Variants in MAGEB3 observed in about 807,000 individuals in gnomAD.
MAGEB3 encodes MAGE family member B3.
For synonymous variants in MAGEB3, 91 were observed against 93.0 expected (o/e 0.98, Z 0.12); for missense variants, 191 against 262.4 (o/e 0.73, Z 1.88).
rs1925003855 is a variant in MAGEB3, at chrX:30,237,073, T to A, written c.*108T>A. 5.7e-6 allele frequency: 3 copies of A among 528,605 alleles called. No homozygotes were observed. Among genetic ancestry groups the A allele is most frequent in the Non-Finnish European group, 8.9e-6 (3 of 336,334 alleles). The allele number at this position is 528,605 out of a possible 1,213,427, so 43.6% of individuals were successfully genotyped here. On this transcript the variant is annotated 3_prime_UTR_variant, in exon 5 of 5. Transcript: ENST00000361644. ...GGAACACACTGTATAATACCTTTTG[T>A]TTCTGTTCTAAATGGATAATTTGAA...
chrX:30,231,997 C>T (rs1188540532), intron 2 of MAGEB3, among the ~76,000 whole-genome samples: 1 of 112,108 alleles, frequency 8.9e-6, no homozygotes, highest in Non-Finnish European at 1.9e-5. Context: ...GCGTGTCACC[C>T]GCTGCTGTCA....
intron 3 of MAGEB3, 57 bp from the exon 4 acceptor site, chrX:30,233,205 A>T (rs1240187629): frequency 9.5e-6 from 1 of 105,050 alleles, no homozygotes. Flanking sequence ...ACTCCATCTC[A>T]AAATAAATAA....
intron 1 of MAGEB3, among the ~76,000 whole-genome samples, chrX:30,231,107 C>A (rs1333567518): frequency 9.5e-6 from 1 of 105,498 alleles, no homozygotes; most frequent in African/African-American, 3.5e-5. Context: ...TGGGCCCCCC[C>A]AGGAGTTCGA....
At chrX:30,233,437 A>AAG (rs1314888794) in intron 4 of MAGEB3, 74 bp downstream of exon 4, 5 of 76,713 alleles carry the variant, frequency 6.5e-5, no homozygotes, top group South Asian at 1.7e-3. Context: ...AAAAAAAAAA[A>AAG]AAGAAAGAAA....
At position 30,235,856 on chromosome X, in the gene MAGEB3, T is replaced by C. The variant is rs988812737; in HGVS notation, c.-61-8T>C. 2.4e-6 allele frequency: 2 copies of C among 822,678 alleles called. No homozygotes were observed. The allele number at this position is 822,678 out of a possible 1,213,427, so 67.8% of individuals were successfully genotyped here. Reference sequence around the variant, plus strand: ...CACTCATACCCTCTCTTTCTCTCTCTCCTCCAGGTGCCTGTATCACCTGCC... The same window carrying C: ...CACTCATACCCTCTCTTTCTCTCTCCCCTCCAGGTGCCTGTATCACCTGCC... On this transcript the variant is annotated splice_polypyrimidine_tract_variant and splice_region_variant and intron_variant, in intron 4 of 4. Coordinates refer to ENST00000361644, the MANE Select transcript of MAGEB3 (RefSeq NM_002365.5).
intron 2 of MAGEB3, among the ~76,000 whole-genome samples, chrX:30,232,522 G>A (rs1601960564): frequency 9.4e-6 from 1 of 106,915 alleles, no homozygotes; most frequent in East Asian, 2.9e-4. Context: ...CCAGGAGGCT[G>A]AGGTGGGAGG....
In MAGEB3 at chrX:30,231,700, AAAGAAAG is replaced by A. The variant is rs1456659061; in HGVS notation, c.-254+85_-254+91del. On this transcript the variant is annotated intron_variant, in intron 2 of 4. Coordinates refer to ENST00000361644, the MANE Select transcript of MAGEB3 (RefSeq NM_002365.5). ...ACAAAAAAAAAAAAAAAAAAAAAAA[AAAGAAAG>A]AAAGAAAGAAAGAAATATGAGGCCC... 7.7e-3 allele frequency: 423 copies of A among 54,934 alleles called. 11 individuals carry two copies. Among genetic ancestry groups the A allele is most frequent in the African/African-American group, 0.03 (404 of 13,639 alleles). The allele number at this position is 54,934 out of a possible 1,213,427, so 4.5% of individuals were successfully genotyped here.
chrX:30,236,003 G>A lies in MAGEB3; in HGVS notation c.79G>A (p.Gly27Ser). 8.3e-7 allele frequency: 1 copy of A among 1,210,940 alleles called. No homozygotes were observed. Among genetic ancestry groups the A allele is most frequent in the Non-Finnish European group, 1.1e-6 (1 of 895,091 alleles). Residue 27 changes from glycine to serine, a missense_variant, in exon 5 of 5, where the codon GGT (glycine) becomes AGT (serine). Coordinates refer to ENST00000361644, the MANE Select transcript of MAGEB3 (RefSeq NM_002365.5). ...CCGGGGTCAGACCCAGGATCACCAG[G>A]GTGCTCAGATCACTGCAACTAACAA... ...QTRGQTQDHQ[G>S]AQITATNKKK...
chrX:30,234,613 A>G (rs146532293), intron 4 of MAGEB3, among the ~76,000 whole-genome samples: 10 of 111,151 alleles, frequency 9.0e-5, no homozygotes, highest in African/African-American at 3.3e-4. Context: ...ACAGATATCT[A>G]CCTGGAAAGT....
intron 1 of MAGEB3, among the ~76,000 whole-genome samples, 196 bp downstream of exon 1, chrX:30,231,013 T>A (rs1924762321): frequency 9.0e-6 from 1 of 110,674 alleles, no homozygotes; most frequent in Non-Finnish European, 1.9e-5. Context: ...TGGCCCTAAC[T>A]AGAGTCAAGA....
At chrX:30,231,236 T>C (rs5972095) in intron 1 of MAGEB3, among the ~76,000 whole-genome samples, 22,830 of 104,924 alleles carry the variant, frequency 0.22, 2,630 homozygotes, top group Non-Finnish European at 0.31. Flanking sequence ...GAGGATCGCT[T>C]AAGCCCTAGG....
rs1924981547 is a variant in MAGEB3 at position 30,236,380 on chromosome X, C to A, written c.456C>A (p.Ile152=). 1 of 1,209,408 alleles carries A rather than the reference C, an allele frequency of 8.3e-7. No homozygotes were observed. Among genetic ancestry groups the A allele is most frequent in the Admixed American group, 2.2e-5 (1 of 45,843 alleles). The change falls in exon 5 of 5, where the codon ATC becomes ATA. Residue 152 remains isoleucine (I), a synonymous_variant. Transcript: ENST00000361644. ...GCCATAAGAATTGCTTCCCTGAGAT[C>A]CTTAAAAAAGCTTCTTTCAACATGG... ...QKSHKNCFPE[I]LKKASFNMEV...
chrX:30,233,704 T>C (rs1170459125), intron 4 of MAGEB3, among the ~76,000 whole-genome samples: 1 of 111,252 alleles, frequency 9.0e-6, no homozygotes, highest in Non-Finnish European at 1.9e-5. Flanking sequence ...GACCACTGAC[T>C]CCAGAACAGT....
chrX:30,235,052 C>T (rs1351096844), intron 4 of MAGEB3, among the ~76,000 whole-genome samples: 1 of 111,699 alleles, frequency 9.0e-6, no homozygotes, highest in Non-Finnish European at 1.9e-5. Flanking sequence ...AAAGGTTGAA[C>T]TAATTACATG....
chrX:30,233,263 C>T lies in MAGEB3; in HGVS notation c.-162C>T, dbSNP rs1219348751. 1.1e-5 allele frequency: 1 copy of T among 93,722 alleles called. No homozygotes were observed. The highest frequency in any genetic ancestry group is 2.1e-5 in the Non-Finnish European group (1 of 47,181). 7.7% of individuals were successfully genotyped at this position (93,722 alleles called of 1,213,427 possible). On this transcript the variant is annotated splice_region_variant and 5_prime_UTR_variant, in exon 4 of 5. Coordinates refer to ENST00000361644, the MANE Select transcript of MAGEB3 (RefSeq NM_002365.5). ...ACTTTTTTTTTTTTTAATTTTAAGG[C>T]AGGGCTCTGGCTCACGCTTGTAATC...
At chrX:30,231,057 T>C (rs1371142752) in intron 1 of MAGEB3, among the ~76,000 whole-genome samples, 1 of 108,640 alleles carries the variant, frequency 9.2e-6, no homozygotes, top group Non-Finnish European at 1.9e-5. Flanking sequence ...CTCAGGCCTG[T>C]AATCCCAGCA....
chrX:30,237,286 G>A lies in MAGEB3; in HGVS notation c.*321G>A, dbSNP rs780911680. On this transcript the variant is annotated 3_prime_UTR_variant, in exon 5 of 5. Transcript: ENST00000361644. Reference sequence around the variant, plus strand: ...GCAAGATAACTTGGAATTAGAATAAGCATTTCCTTGAAAATGTTTAAAAAA... The same window carrying A: ...GCAAGATAACTTGGAATTAGAATAAACATTTCCTTGAAAATGTTTAAAAAA... The A allele has an allele frequency of 2.0e-5, 4 of 204,590 alleles. No homozygotes were observed. In the South Asian group the frequency reaches 1.2e-3, roughly 61 times the overall value. 16.9% of individuals were successfully genotyped at this position (204,590 alleles called of 1,213,427 possible). A position where few individuals can be genotyped will look rare whatever the true frequency, so the allele number is the denominator to read the frequency against.
Position 30,237,009 on chromosome X carries a change from T to A in MAGEB3, c.*44T>A. The A allele has an allele frequency of 9.8e-7, 1 of 1,021,931 alleles. No homozygotes were observed. The highest frequency in any genetic ancestry group is 1.3e-6 in the Non-Finnish European group (1 of 747,984). The allele number at this position is 1,021,931 out of a possible 1,213,427, so 84.2% of individuals were successfully genotyped here. On this transcript the variant is annotated 3_prime_UTR_variant, in exon 5 of 5. Transcript: ENST00000361644. ...TGCATTTTGTGGTTAAAGAGGGCAG[T>A]CACTGTTCCAAGGAGTGAAGGACTG... is the stretch of plus-strand genomic sequence containing the variant.
chrX:30,231,296 T>C (rs1409603263), intron 1 of MAGEB3, among the ~76,000 whole-genome samples: 25 of 104,996 alleles, frequency 2.4e-4, no homozygotes, highest in African/African-American at 6.5e-4. Flanking sequence ...CCAGCCTGGG[T>C]GACAGAGAGA....
Sources: gnomAD v4.1 joint callset for allele counts (sites outside exome capture counted in the v4.1 genomes callset) on GRCh38, gnomAD v4.1.1 for gene constraint, MANE v1.5 for transcripts, NCBI Gene and HGNC (gene_info 2026-07-23, HGNC 2026-07-21) for gene names.